GADL1: variants seen among roughly 807,000 people sequenced by gnomAD.
GADL1 encodes GAD like acidic amino acid decarboxylase 1, also known as acidic amino acid decarboxylase GADL1.
Under a neutral mutation model 69.5 loss-of-function variants are expected in GADL1, and 71 were observed. That is an observed-to-expected ratio of 1.02 (90% CI 0.84 to 1.25). The LOEUF (loss-of-function observed/expected upper bound fraction) is 1.25, where lower values mean the gene tolerates loss of function less well. GADL1 is among the 50% of genes most tolerant of loss of function. GADL1 has a pLI of 0.00. For missense variants in GADL1, 737 were observed against 631.8 expected (o/e 1.17, Z -1.79); for synonymous variants, 254 against 214.4 (o/e 1.18, Z -1.62).
chr3:30,829,893 G>A (rs138989446), intron 11 of GADL1, among the ~76,000 whole-genome samples: 2 of 151,898 alleles, frequency 1.3e-5, no homozygotes, highest in South Asian at 2.1e-4. Flanking sequence ...TATGCAAATA[G>A]TAACTATATA....
intron 14 of GADL1, among the ~76,000 whole-genome samples, chr3:30,759,658 C>T (rs1256351441): frequency 6.6e-6 from 1 of 152,008 alleles, no homozygotes; most frequent in African/African-American, 2.4e-5. Flanking sequence ...TAAAAGTGAC[C>T]ATCTTTATTT....
intron 14 of GADL1, among the ~76,000 whole-genome samples, chr3:30,736,788 T>C (rs927721460): frequency 6.6e-6 from 1 of 152,164 alleles, no homozygotes; most frequent in Non-Finnish European, 1.5e-5. Flanking sequence ...AGTAACACAG[T>C]CATTGATAAT....
At chr3:30,778,669 G>A (rs1696592508) in intron 13 of GADL1, 3 of 157,826 alleles carry the variant, frequency 1.9e-5, no homozygotes, top group Admixed American at 6.2e-5. Flanking sequence ...TCTTAAGGCA[G>A]CCAAAGTTGG....
intron 3 of GADL1, among the ~76,000 whole-genome samples, chr3:30,855,408 T>C (rs1366577838): frequency 1.3e-5 from 2 of 152,046 alleles, no homozygotes; most frequent in Non-Finnish European, 2.9e-5. Flanking sequence ...TCACTTCATA[T>C]ACATTTCACT....
At chr3:30,822,332 G>A (rs1697596821) in intron 11 of GADL1, among the ~76,000 whole-genome samples, 1 of 152,006 alleles carries the variant, frequency 6.6e-6, no homozygotes, top group South Asian at 2.1e-4. Flanking sequence ...TTTGTTATAG[G>A]AGGAAAGCTT....
intron 13 of GADL1, among the ~76,000 whole-genome samples, chr3:30,782,556 A>G (rs997994668): frequency 1.3e-5 from 2 of 152,180 alleles, no homozygotes; most frequent in East Asian, 3.9e-4. Flanking sequence ...TGTGGCATCT[A>G]GGTGAAAATT....
chr3:30,748,799 C>G (rs755206255), intron 14 of GADL1, among the ~76,000 whole-genome samples: 12 of 152,166 alleles, frequency 7.9e-5, no homozygotes, highest in African/African-American at 2.2e-4. Context: ...ATAATTCAAC[C>G]GTTACATTTT....
chr3:30,892,700 T>TA (rs1313886630), intron 1 of GADL1, among the ~76,000 whole-genome samples: 1 of 152,174 alleles, frequency 6.6e-6, no homozygotes. Context: ...TATATGGCTT[T>TA]AAAACAAGAA....
At chr3:30,827,860 G>GCAGCA (rs1697709563) in intron 11 of GADL1, among the ~76,000 whole-genome samples, 1 of 151,852 alleles carries the variant, frequency 6.6e-6, no homozygotes, top group African/African-American at 2.4e-5. Context: ...AATGATTTTG[G>GCAGCA]CAGCACGAAG....
intron 1 of GADL1, among the ~76,000 whole-genome samples, chr3:30,893,741 G>A (rs1698816598): frequency 6.6e-6 from 1 of 152,084 alleles, no homozygotes; most frequent in African/African-American, 2.4e-5. Flanking sequence ...ACCAACTACT[G>A]TGCAAAATTC....
chr3:30,878,317 T>C (rs1319136622), intron 1 of GADL1, among the ~76,000 whole-genome samples: 3 of 151,950 alleles, frequency 2.0e-5, no homozygotes, highest in Non-Finnish European at 2.9e-5. Context: ...TTATTAGTGC[T>C]CTTCAGAACC....
At chr3:30,826,673 G>A (rs1262361135) in intron 11 of GADL1, among the ~76,000 whole-genome samples, 1 of 151,862 alleles carries the variant, frequency 6.6e-6, no homozygotes, top group Admixed American at 6.6e-5. Context: ...GGCAGATTGT[G>A]AATGTCATTC....
chr3:30,750,137 C>T (rs1695781521), intron 14 of GADL1, among the ~76,000 whole-genome samples: 1 of 152,154 alleles, frequency 6.6e-6, no homozygotes, highest in Non-Finnish European at 1.5e-5. Context: ...TGCAGATTAT[C>T]CCCATATAAT....
Position 30,728,227 on chromosome 3 carries a change from G to T in GADL1, c.*15C>A. On this transcript the variant is annotated 3_prime_UTR_variant, in exon 15 of 15. Transcript: ENST00000282538. ...CCAGGATAGGATCTATGCCTCTGGG[G>T]GACCAAAGCCACAGCTACATGTCTT... The T allele has an allele frequency of 6.2e-7, 1 of 1,610,214 alleles. No individual in the cohort carries two copies. Among genetic ancestry groups the T allele is most frequent in the Non-Finnish European group, 8.5e-7 (1 of 1,176,732 alleles).
intron 14 of GADL1, among the ~76,000 whole-genome samples, chr3:30,752,824 T>TGC (rs397976091): frequency 6.8e-6 from 1 of 147,360 alleles, no homozygotes; most frequent in African/African-American, 2.5e-5. Flanking sequence ...AAGACAAGAG[T>TGC]TTTCTATTTA....
At position 30,834,273 on chromosome 3, in the gene GADL1, C is replaced by G. The variant is rs1265927628; in HGVS notation, c.912G>C (p.Trp304Cys). Residue 304 changes from tryptophan to cysteine, a missense_variant, in exon 10 of 15, where the codon TGG (tryptophan) becomes TGC (cysteine). Coordinates refer to ENST00000282538, the MANE Select transcript of GADL1 (RefSeq NM_207359.3). The stretch of plus-strand genomic sequence containing the variant: ...TCCTCGACATCAAAGCTGAGCCACC[C>G]CAAGAAGCCTGTTGAGATATTTACA... ...HSLWLHVDASWGGSALMSRKH... is the reference protein window; with the variant it reads ...HSLWLHVDASCGGSALMSRKH... The G allele has an allele frequency of 4.3e-6, 7 of 1,612,268 alleles. No individual in the cohort carries two copies. The East Asian group carries it at 1.6e-4, about 36-fold the overall frequency.
rs529550264 is a variant in GADL1 at position 30,755,795 on chromosome 3, G to GA, written c.1392+22383dup. Among the ~76,000 whole-genome samples, 12 of 149,616 alleles carry GA rather than the reference G, an allele frequency of 8.0e-5. No homozygotes were observed. In the South Asian group the frequency reaches 2.5e-3, roughly 32 times the overall value. On this transcript the variant is annotated intron_variant, in intron 14 of 14. Coordinates refer to ENST00000282538, the MANE Select transcript of GADL1 (RefSeq NM_207359.3). ...TGTCTAGATACCTATGTTGTGATTA[G>GA]AAAAAGATTTAAACAAATGCCAAAG... is the stretch of plus-strand genomic sequence containing the variant.
chr3:30,830,261 T>C (rs1697766005), intron 11 of GADL1, among the ~76,000 whole-genome samples: 3 of 151,922 alleles, frequency 2.0e-5, no homozygotes, highest in Admixed American at 2.0e-4. Flanking sequence ...AGTCCCCCCC[T>C]GCCAGCTTAT....
At chr3:30,796,388 C>T (rs541710849) in intron 12 of GADL1, among the ~76,000 whole-genome samples, 25 of 152,242 alleles carry the variant, frequency 1.6e-4, no homozygotes, top group African/African-American at 5.8e-4. Flanking sequence ...AAGGTACCTT[C>T]ATCTAGGATC....
Sources: allele counts gnomAD v4.1 joint callset (sites outside exome capture counted in the v4.1 genomes callset), GRCh38; gene constraint gnomAD v4.1.1; transcripts MANE v1.5; gene names NCBI Gene and HGNC (gene_info 2026-07-23, HGNC 2026-07-21).